Variants in DPY19L4 observed in about 807,000 individuals in gnomAD.
DPY19L4 encodes the protein dpy-19 like 4, also known as probable C-mannosyltransferase DPY19L4.
In DPY19L4, 97 loss-of-function variants were observed where a neutral mutation model predicts 102.8. The observed-to-expected ratio is 0.94, with a 90% confidence interval of 0.80 to 1.12. The LOEUF (loss-of-function observed/expected upper bound fraction) is 1.12, where lower values mean the gene tolerates loss of function less well. DPY19L4 is among the 50% of genes most tolerant of loss of function. The probability of loss-of-function intolerance (pLI) is 0.00; values close to 1 mark genes in which losing one functional copy is unlikely to be tolerated. For synonymous variants in DPY19L4, 252 were observed against 283.1 expected (o/e 0.89, Z 1.10); for missense variants, 815 against 850.4 (o/e 0.96, Z 0.52).
intron 1 of DPY19L4, among the ~76,000 whole-genome samples, chr8:94,723,350 G>C (rs1810554436): frequency 6.6e-6 from 1 of 152,102 alleles, no homozygotes; most frequent in Non-Finnish European, 1.5e-5. Context: ...GCGGATGCCT[G>C]TAATCCCAGC....
intron 13 of DPY19L4, among the ~76,000 whole-genome samples, chr8:94,774,579 CT>C (rs1218454912): frequency 0.16 from 20,688 of 132,686 alleles, 1,110 homozygotes; most frequent in Non-Finnish European, 0.19. Context: ...CCACTTCTTT[CT>C]TTTTTTTTTT....
chr8:94,751,667 T>G (rs1286814162), intron 6 of DPY19L4, among the ~76,000 whole-genome samples: 3 of 151,690 alleles, frequency 2.0e-5, no homozygotes, highest in Non-Finnish European at 4.4e-5. Context: ...TTTTTGTATT[T>G]TTAGTAGAGA....
rs561357292 is a variant in DPY19L4 at position 94,792,861 on chromosome 8, A to G, written c.*2951A>G. On this transcript the variant is annotated 3_prime_UTR_variant, in exon 19 of 19. Transcript: ENST00000414645. ...CAGAGCAAGACTCCATCTCAAAAAG[A>G]AAAAAAAAGTAGAGATGGGATCTCT... is the stretch of plus-strand genomic sequence containing the variant. 1.3e-5 allele frequency: 2 copies of G among 151,592 alleles called. No individual in the cohort carries two copies. Among genetic ancestry groups the G allele is most frequent in the Admixed American group, 6.6e-5 (1 of 15,200 alleles). 9.4% of individuals were successfully genotyped at this position (151,592 alleles called of 1,614,324 possible). A position where few individuals can be genotyped will look rare whatever the true frequency, so the allele number is the denominator to read the frequency against.
At chr8:94,737,782 CAAACA>C (rs149305419) in intron 3 of DPY19L4, among the ~76,000 whole-genome samples, 100,546 of 150,028 alleles carry the variant, frequency 0.67, 35,205 homozygotes, top group African/African-American at 0.87. Flanking sequence ...GACTCTGTTT[CAAACA>C]AAACAAAACA....
At chr8:94,728,268 C>T (rs1182210351) in intron 2 of DPY19L4, among the ~76,000 whole-genome samples, 1 of 152,228 alleles carries the variant, frequency 6.6e-6, no homozygotes, top group African/African-American at 2.4e-5. Flanking sequence ...TTCTGCACAT[C>T]CCCCCACTCT....
At chr8:94,765,672 A>G in intron 9 of DPY19L4, 39 bp from the exon 10 acceptor site, 1 of 1,423,178 alleles carries the variant, frequency 7.0e-7, no homozygotes, top group East Asian at 2.3e-5. Context: ...TAATTTTTTA[A>G]CACCTCACTT....
chr8:94,753,294 A>G (rs780100420), intron 6 of DPY19L4, among the ~76,000 whole-genome samples: 119 of 152,346 alleles, frequency 7.8e-4, no homozygotes, highest in Non-Finnish European at 1.4e-3. Flanking sequence ...TTTAAAAAGC[A>G]GAATGTAAAT....
intron 13 of DPY19L4, among the ~76,000 whole-genome samples, chr8:94,773,671 C>T (rs1319540824): frequency 6.6e-6 from 1 of 151,850 alleles, no homozygotes; most frequent in Non-Finnish European, 1.5e-5. Context: ...CTCAGGTGAT[C>T]CGCCTGACTC....
At chr8:94,752,849 T>C (rs1812005021) in intron 6 of DPY19L4, among the ~76,000 whole-genome samples, 1 of 151,658 alleles carries the variant, frequency 6.6e-6, no homozygotes, top group African/African-American at 2.4e-5. Flanking sequence ...GTATTTTTAA[T>C]AGAGACAGGG....
rs774269532 is a variant in DPY19L4, at chr8:94,777,742, C to T, written c.1531C>T (p.Leu511Phe). The T allele has an allele frequency of 3.0e-5, 48 of 1,613,904 alleles. No homozygotes were observed. Among genetic ancestry groups the T allele is most frequent in the Non-Finnish European group, 3.9e-5 (46 of 1,179,996 alleles). ...GVCSPELWMT[L>F]FKWLRLRTVH... ...ATGTTCTCCCGAACTTTGGATGACA[C>T]TTTTCAAGTGGCTTCGATTAAGAAC... Residue 511 changes from leucine to phenylalanine, a missense_variant, in exon 14 of 19, where the codon CTT becomes TTT. Physicochemically the swap from Leu to Phe is conservative, Grantham distance 22. Transcript: ENST00000414645.
rs963023420 is a variant in DPY19L4, at chr8:94,739,641, A to C, written c.466-4A>C. On this transcript the variant is annotated splice_polypyrimidine_tract_variant and splice_region_variant and intron_variant, in intron 5 of 18. Coordinates refer to ENST00000414645, the MANE Select transcript of DPY19L4 (RefSeq NM_181787.3). ...CTTGTTCTCTTTCTGTTTTTTCCACATAGGAGATTATTGAGCCAGTGTATT... is the reference window on the plus strand; with the variant it reads ...CTTGTTCTCTTTCTGTTTTTTCCACCTAGGAGATTATTGAGCCAGTGTATT... 6.2e-7 allele frequency: 1 copy of C among 1,613,260 alleles called. No homozygotes were observed. The highest frequency in any genetic ancestry group is 8.5e-7 in the Non-Finnish European group (1 of 1,179,674).
chr8:94,765,611 C>T (rs1812640768), intron 9 of DPY19L4, 100 bp from the exon 10 acceptor site: 1 of 946,790 alleles, frequency 1.1e-6, no homozygotes, highest in Non-Finnish European at 1.6e-6. Flanking sequence ...GCTGGGATTA[C>T]AGGCTTGAGC....
chr8:94,783,101 A>G (rs1163072857), intron 16 of DPY19L4, among the ~76,000 whole-genome samples: 2 of 149,800 alleles, frequency 1.3e-5, no homozygotes, highest in African/African-American at 5.1e-5. Flanking sequence ...AATGTATTAC[A>G]ACAGCCCTTT....
intron 13 of DPY19L4, among the ~76,000 whole-genome samples, chr8:94,775,205 G>T (rs796464382): frequency 5.3e-5 from 8 of 151,448 alleles, no homozygotes; most frequent in Non-Finnish European, 8.8e-5. Flanking sequence ...TTGAGACAGG[G>T]TCCTGTTCTC....
chr8:94,790,036 C>T lies in DPY19L4; in HGVS notation c.*126C>T. 1.1e-6 allele frequency: 1 copy of T among 894,108 alleles called. No individual in the cohort carries two copies. The highest frequency in any genetic ancestry group is 1.7e-6 in the Non-Finnish European group (1 of 595,000). The allele number at this position is 894,108 out of a possible 1,614,324, so 55.4% of individuals were successfully genotyped here. On this transcript the variant is annotated 3_prime_UTR_variant, in exon 19 of 19. Transcript: ENST00000414645. ...TATTGCTGCTTCTTTCCCCCTTCTGCTGTTAACTGGATCCAGAGTTCTGTG... is the reference window on the plus strand; with the variant it reads ...TATTGCTGCTTCTTTCCCCCTTCTGTTGTTAACTGGATCCAGAGTTCTGTG...
intron 12 of DPY19L4, among the ~76,000 whole-genome samples, chr8:94,769,323 A>G (rs997900560): frequency 6.6e-6 from 1 of 152,022 alleles, no homozygotes; most frequent in African/African-American, 2.4e-5. Flanking sequence ...TGGCCTCCCA[A>G]AGTGCTGGGA....
At chr8:94,764,272 G>A (rs1812530106) in intron 8 of DPY19L4, among the ~76,000 whole-genome samples, 2 of 152,026 alleles carry the variant, frequency 1.3e-5, no homozygotes, top group Non-Finnish European at 2.9e-5. Flanking sequence ...TGTTTCCAGA[G>A]AGTTTTAAGA....
chr8:94,734,867 TC>T, intron 3 of DPY19L4, 113 bp downstream of exon 3: 1 of 1,408,982 alleles, frequency 7.1e-7, no homozygotes, highest in African/African-American at 1.4e-5. Flanking sequence ...AACAAAATGC[TC>T]CAGAAGCTGT....
intron 7 of DPY19L4, among the ~76,000 whole-genome samples, chr8:94,757,857 A>G (rs1812230902): frequency 6.6e-6 from 1 of 151,716 alleles, no homozygotes; most frequent in Non-Finnish European, 1.5e-5. Context: ...CTATAATATT[A>G]CCCAGCACTT....
Sources: gnomAD v4.1 joint callset for allele counts (sites outside exome capture counted in the v4.1 genomes callset) on GRCh38, gnomAD v4.1.1 for gene constraint, MANE v1.5 for transcripts, NCBI Gene and HGNC (gene_info 2026-07-23, HGNC 2026-07-21) for gene names.